The following JMJD1C variants were observed in gnomAD, a reference collection of about 807,000 sequenced individuals.
The protein encoded by JMJD1C is jumonji domain-containing protein 1C.
In JMJD1C, 31 loss-of-function variants were observed where a neutral mutation model predicts 245.3. That is an observed-to-expected ratio of 0.13 (90% CI 0.09 to 0.17). The LOEUF (loss-of-function observed/expected upper bound fraction) is 0.17, where lower values mean the gene tolerates loss of function less well. Among genes scored for constraint, JMJD1C ranks in the 10% least tolerant of loss-of-function variants. The pLI, the probability that JMJD1C is intolerant of heterozygous loss-of-function variation, is 1.00. For missense variants in JMJD1C, 2,691 were observed against 3,000.2 expected (o/e 0.90, Z 2.41); for synonymous variants, 1,057 against 1,017.4 (o/e 1.04, Z -0.74).
chr10:63,381,981 G>A (rs1947254819), intron 1 of JMJD1C, among the ~76,000 whole-genome samples: 1 of 152,156 alleles, frequency 6.6e-6, no homozygotes, highest in African/African-American at 2.4e-5. Flanking sequence ...GGAAGCTAAG[G>A]CGGGTGGATC....
At chr10:63,320,472 A>T (rs530441498) in intron 2 of JMJD1C, among the ~76,000 whole-genome samples, 1 of 152,174 alleles carries the variant, frequency 6.6e-6, no homozygotes, top group South Asian at 2.1e-4. Context: ...TCAGCCCACA[A>T]TCACTGTCAG....
chr10:63,434,804 G>T (rs185926231), intron 1 of JMJD1C, among the ~76,000 whole-genome samples: 16 of 152,260 alleles, frequency 1.1e-4, no homozygotes, highest in African/African-American at 3.6e-4. Flanking sequence ...GAAAGAATGA[G>T]AGAGTGAAAT....
At chr10:63,285,066 C>T (rs1053322945) in intron 2 of JMJD1C, among the ~76,000 whole-genome samples, 4 of 152,190 alleles carry the variant, frequency 2.6e-5, no homozygotes, top group Non-Finnish European at 5.9e-5. Context: ...AAACTCCTCA[C>T]GGACAGTGAC....
chr10:63,366,204 T>G (rs1230590728), intron 2 of JMJD1C, among the ~76,000 whole-genome samples: 2 of 152,184 alleles, frequency 1.3e-5, no homozygotes, highest in African/African-American at 2.4e-5. Context: ...ATGTGGGTGG[T>G]ATGTGATCAA....
chr10:63,204,896 A>C (rs1846415006), intron 10 of JMJD1C: 2 of 985,352 alleles, frequency 2.0e-6, no homozygotes, highest in African/African-American at 3.5e-5. Context: ...TAAAAGGCAC[A>C]AATGGGAGCC....
chr10:63,410,552 TTAA>T (rs1264163662), intron 1 of JMJD1C, among the ~76,000 whole-genome samples: 1 of 152,188 alleles, frequency 6.6e-6, no homozygotes, highest in Non-Finnish European at 1.5e-5. Context: ...GACATAATTA[TTAA>T]TGACAGAGCC....
At chr10:63,347,953 C>T (rs1291950933) in intron 2 of JMJD1C, among the ~76,000 whole-genome samples, 1 of 152,106 alleles carries the variant, frequency 6.6e-6, no homozygotes, top group Non-Finnish European at 1.5e-5. Flanking sequence ...TAGATCATGC[C>T]TATAATCCCA....
intron 3 of JMJD1C, among the ~76,000 whole-genome samples, chr10:63,257,672 A>T (rs1164513139): frequency 1.3e-5 from 2 of 152,244 alleles, no homozygotes; most frequent in African/African-American, 4.8e-5. Context: ...ATCAGCAACA[A>T]GTAGAGTACA....
chr10:63,262,602 C>A (rs1854924611), intron 3 of JMJD1C, among the ~76,000 whole-genome samples: 1 of 152,108 alleles, frequency 6.6e-6, no homozygotes, highest in East Asian at 1.9e-4. Flanking sequence ...TTTCTTTGAA[C>A]TCGGAATTCA....
chr10:63,240,320 G>A (rs1366264216), intron 3 of JMJD1C, among the ~76,000 whole-genome samples: 1 of 152,050 alleles, frequency 6.6e-6, no homozygotes, highest in Non-Finnish European at 1.5e-5. Context: ...TCTACAGAGA[G>A]AACAAACATA....
chr10:63,292,701 T>C (rs1319087887), intron 2 of JMJD1C, among the ~76,000 whole-genome samples: 1 of 152,162 alleles, frequency 6.6e-6, no homozygotes, highest in Non-Finnish European at 1.5e-5. Flanking sequence ...ATAGTCCCTC[T>C]TTATTAACAG....
At chr10:63,279,259 C>T (rs1381880933) in intron 2 of JMJD1C, among the ~76,000 whole-genome samples, 2 of 151,706 alleles carry the variant, frequency 1.3e-5, no homozygotes, top group Middle Eastern at 3.4e-3. Context: ...TCGAAACAAA[C>T]AAAACAAATT....
Position 63,177,867 on chromosome 10 carries a change from G to A in JMJD1C, c.7085-11C>T. ...ATTTCTTGAGAATTCCTGAAACAAA[G>A]GAACATAATTTCAAATTGTCGGCAA... On this transcript the variant is annotated splice_polypyrimidine_tract_variant and intron_variant, in intron 22 of 25. Coordinates refer to ENST00000399262, the MANE Select transcript of JMJD1C (RefSeq NM_032776.3). 1.9e-6 allele frequency: 3 copies of A among 1,610,756 alleles called. No homozygotes were observed. Among genetic ancestry groups the A allele is most frequent in the Non-Finnish European group, 2.5e-6 (3 of 1,179,110 alleles).
intron 1 of JMJD1C, among the ~76,000 whole-genome samples, chr10:63,399,021 T>C (rs1589671197): frequency 6.6e-6 from 1 of 151,654 alleles, no homozygotes; most frequent in East Asian, 1.9e-4. Context: ...AAAAGAAGAA[T>C]AAATCCTTGA....
At chr10:63,469,577 G>GACTGT (rs1953423854), upstream of JMJD1C, among the ~76,000 whole-genome samples, 2 of 152,134 alleles carry the variant, frequency 1.3e-5, no homozygotes, top group South Asian at 4.1e-4. Flanking sequence ...TCTGGAGATA[G>GACTGT]GACCTTTATC....
intron 2 of JMJD1C, among the ~76,000 whole-genome samples, chr10:63,313,319 A>G (rs1939489259): frequency 6.6e-6 from 1 of 152,162 alleles, no homozygotes; most frequent in African/African-American, 2.4e-5. Flanking sequence ...TTGTGTGTGT[A>G]AGAATTTCTT....
chr10:63,419,465 C>T (rs1249915487), intron 1 of JMJD1C, among the ~76,000 whole-genome samples: 2 of 152,066 alleles, frequency 1.3e-5, no homozygotes, highest in Admixed American at 6.6e-5. Context: ...CAGACAAGAA[C>T]TACTGAGCCA....
Position 63,449,047 on chromosome 10 carries a change from G to A in JMJD1C, c.168+16448C>T, listed in dbSNP as rs796941806. 1.2e-4 allele frequency among the ~76,000 whole-genome samples: 18 copies of A among 152,212 alleles called. 1 individual carries two copies. The highest frequency in any genetic ancestry group is 4.3e-4 in the African/African-American group (18 of 41,500). On this transcript the variant is annotated intron_variant, in intron 1 of 25. Transcript: ENST00000399262. ...CGGGAGAATCACTTGAACCCAGGAG[G>A]CAGAGGCTGCAGTGAGCCAAGATCT...
chr10:63,403,558 A>G (rs1378032047), intron 1 of JMJD1C, among the ~76,000 whole-genome samples: 1 of 152,240 alleles, frequency 6.6e-6, no homozygotes, highest in Non-Finnish European at 1.5e-5. Flanking sequence ...AAGCATGACA[A>G]CAAAAGGACT....
Sources: allele counts gnomAD v4.1 joint callset (sites outside exome capture counted in the v4.1 genomes callset), GRCh38; gene constraint gnomAD v4.1.1; transcripts MANE v1.5; gene names NCBI Gene and HGNC (gene_info 2026-07-23, HGNC 2026-07-21).